The following KAZN variants were observed in gnomAD, a reference collection of about 807,000 sequenced individuals.
KAZN encodes the protein kazrin.
KAZN carries 40 observed loss-of-function variants against 87.4 expected under a neutral mutation model. The ratio of observed to expected loss-of-function variants is 0.46; its 90% CI spans 0.36 to 0.60. The LOEUF (loss-of-function observed/expected upper bound fraction) is 0.60, where lower values mean the gene tolerates loss of function less well. Ranked by LOEUF, KAZN falls within the 20% of genes least tolerant of loss-of-function variation. KAZN has a pLI of 0.00. For missense variants in KAZN, 898 were observed against 1,073.9 expected, an observed-to-expected ratio of 0.84 and a Z score of 2.29; for synonymous variants, 466 against 458.3, an observed-to-expected ratio of 1.02 and a Z score of -0.22.
intron 1 of KAZN, among the ~76,000 whole-genome samples, chr1:14,007,205 T>C (rs912563291): frequency 3.9e-5 from 6 of 152,316 alleles, no homozygotes; most frequent in South Asian, 2.1e-4. Context: ...TTTACTGAAA[T>C]TGTTAATTAG....
At position 14,376,038 on chromosome 1, in the gene KAZN, T is replaced by C. The variant is rs1293540145; in HGVS notation, c.249+195446T>C. 2.6e-5 allele frequency among the ~76,000 whole-genome samples: 4 copies of C among 152,076 alleles called. No individual in the cohort carries two copies. The East Asian group carries it at 7.7e-4, about 29-fold the overall frequency. On this transcript the variant is annotated intron_variant, in intron 2 of 16. Coordinates refer to the KAZN transcript ENST00000636203. ...CCTGGCCTCGCATGACTTTGGGTCA[T>C]TAGTTAACACACAGATAAGTCTGAT...
intron 1 of KAZN, among the ~76,000 whole-genome samples, chr1:13,909,738 T>C (rs1639580803): frequency 6.6e-6 from 1 of 152,242 alleles, no homozygotes; most frequent in African/African-American, 2.4e-5. Flanking sequence ...TAAGCATTTA[T>C]GAGGGCAGAG....
intron 1 of KAZN, among the ~76,000 whole-genome samples, chr1:13,978,791 T>G (rs61775615): frequency 0.15 from 22,272 of 150,066 alleles, 1,751 homozygotes; most frequent in South Asian, 0.2. Flanking sequence ...CAGAAGAGAG[T>G]ATGTAATTAA....
At chr1:14,719,559 C>T (rs544655049) in intron 1 of KAZN, among the ~76,000 whole-genome samples, 5 of 152,302 alleles carry the variant, frequency 3.3e-5, no homozygotes, top group African/African-American at 1.2e-4. Context: ...GAGAAAGAAG[C>T]CAGGCGTGGT....
At chr1:14,111,990 G>A (rs1393113361) in intron 1 of KAZN, among the ~76,000 whole-genome samples, 2 of 151,850 alleles carry the variant, frequency 1.3e-5, no homozygotes, top group Non-Finnish European at 2.9e-5. Context: ...CACCCACCTC[G>A]GCCTCCCAAA....
At position 14,013,524 on chromosome 1, in the gene KAZN, C is replaced by G. The variant is rs552993950; in HGVS notation, c.91+119768C>G. On this transcript the variant is annotated intron_variant, in intron 1 of 16. Coordinates refer to the KAZN transcript ENST00000636203. ...AAGGACTTGGCTGCTGTGTACCCAC[C>G]ACTGTCAGAGGATGGTCATGATAGC... Among the ~76,000 whole-genome samples, 53 of 152,176 alleles carry G rather than the reference C, an allele frequency of 3.5e-4. 1 individual carries two copies. The highest frequency in any genetic ancestry group is 3.1e-3 in the Admixed American group (47 of 15,284).
At chr1:14,251,919 G>T (rs1455422493) in intron 2 of KAZN, among the ~76,000 whole-genome samples, 4 of 151,998 alleles carry the variant, frequency 2.6e-5, no homozygotes. Context: ...AAAGTGCTGG[G>T]ATTACAGGTG....
intron 2 of KAZN, among the ~76,000 whole-genome samples, chr1:14,583,000 A>C (rs1342983951): frequency 1.3e-5 from 2 of 152,232 alleles, no homozygotes; most frequent in African/African-American, 2.4e-5. Flanking sequence ...AGGAGAAAGC[A>C]GAGAGGTGAA....
chr1:14,631,048 A>G lies in KAZN; in HGVS notation c.226+31825A>G, dbSNP rs534221537. On this transcript the variant is annotated intron_variant, in intron 1 of 14. Coordinates refer to ENST00000376030, the MANE Select transcript of KAZN (RefSeq NM_201628.3). ...GCCTCCAGTTTTGCTCTGGGGATCCATTTTTCCCTGACTCTTAGGCTGAGA... is the reference window on the plus strand; with the variant it reads ...GCCTCCAGTTTTGCTCTGGGGATCCGTTTTTCCCTGACTCTTAGGCTGAGA... Among the ~76,000 whole-genome samples, 6 of 152,168 alleles carry G rather than the reference A, an allele frequency of 3.9e-5. No homozygotes were observed. The East Asian group carries it at 1.2e-3, about 29-fold the overall frequency.
At position 14,721,153 on chromosome 1, in the gene KAZN, A is replaced by G. The variant is rs183502570; in HGVS notation, c.226+121930A>G. Among the ~76,000 whole-genome samples, 28 of 152,240 alleles carry G rather than the reference A, an allele frequency of 1.8e-4. 2 individuals carry two copies. Among genetic ancestry groups the G allele is most frequent in the Non-Finnish European group, 1.5e-5 (1 of 68,024 alleles). ...GTGGCTTGGCAGTGTCCCCACCTAAATCTCGTCTTGAATTGTGGTTCCCAT... is the reference window on the plus strand; with the variant it reads ...GTGGCTTGGCAGTGTCCCCACCTAAGTCTCGTCTTGAATTGTGGTTCCCAT... On this transcript the variant is annotated intron_variant, in intron 1 of 14. Transcript: ENST00000376030.
intron 1 of KAZN, among the ~76,000 whole-genome samples, chr1:14,004,761 C>T (rs1639962980): frequency 6.0e-5 from 1 of 16,622 alleles, no homozygotes; most frequent in Non-Finnish European, 1.6e-4. Context: ...CTTACTTAAT[C>T]TCCCTGGCAG....
chr1:14,376,938 G>A (rs552512364), intron 2 of KAZN, among the ~76,000 whole-genome samples: 2 of 152,328 alleles, frequency 1.3e-5, no homozygotes, highest in African/African-American at 2.4e-5. Context: ...CTTCTATAAT[G>A]TATTAGTTGC....
At chr1:14,245,862 A>G (rs1342173262) in intron 2 of KAZN, among the ~76,000 whole-genome samples, 1 of 152,224 alleles carries the variant, frequency 6.6e-6, no homozygotes, top group Admixed American at 6.5e-5. Flanking sequence ...TCATTTTATT[A>G]TAAAGATACA....
rs201481507 is a variant in KAZN at position 15,050,159 on chromosome 1, G to GATAGATAGAATAGAATAGAATA, written c.727-5932_727-5931insATAGATAGAATAGAATAGAATA. On this transcript the variant is annotated intron_variant, in intron 4 of 14. Coordinates refer to ENST00000376030, the MANE Select transcript of KAZN (RefSeq NM_201628.3). ...TCTCAATAGAATAATAGAATAGAAT[G>GATAGATAGAATAGAATAGAATA]GAATAGAATAGAATAGAATAGAATA... Among the ~76,000 whole-genome samples the GATAGATAGAATAGAATAGAATA allele has an allele frequency of 6.9e-3, 907 of 131,326 alleles. 12 individuals carry two copies. The highest frequency in any genetic ancestry group is 0.012 in the African/African-American group (412 of 34,918). 86.2% of individuals were successfully genotyped at this position (131,326 alleles called of 152,430 possible).
At chr1:14,607,027 C>G (rs985529944) in intron 1 of KAZN, among the ~76,000 whole-genome samples, 1 of 152,030 alleles carries the variant, frequency 6.6e-6, no homozygotes, top group Non-Finnish European at 1.5e-5. Context: ...GTATCCTCAC[C>G]ACCTAGAGCA....
intron 1 of KAZN, among the ~76,000 whole-genome samples, chr1:13,903,523 G>A (rs1046485883): frequency 6.6e-6 from 1 of 152,186 alleles, no homozygotes; most frequent in African/African-American, 2.4e-5. Flanking sequence ...TCCCATCGAA[G>A]GACAAAGACA....
intron 13 of KAZN, among the ~76,000 whole-genome samples, chr1:15,109,699 G>C (rs1641423873): frequency 1.3e-5 from 2 of 151,978 alleles, no homozygotes; most frequent in Non-Finnish European, 2.9e-5. Context: ...GTGTATGTTT[G>C]TGTATGAGCG....
intron 1 of KAZN, among the ~76,000 whole-genome samples, chr1:13,960,170 TCTA>T (rs1446473698): frequency 1.4e-4 from 21 of 152,092 alleles, no homozygotes; most frequent in African/African-American, 5.1e-4. Flanking sequence ...ATAATTCACT[TCTA>T]CAATTCTTGA....
intron 2 of KAZN, among the ~76,000 whole-genome samples, chr1:14,365,656 C>CCT (rs1265322741): frequency 6.6e-6 from 1 of 152,104 alleles, no homozygotes; most frequent in Non-Finnish European, 1.5e-5. Flanking sequence ...GCGTCCCCAG[C>CCT]CTCTACTCAC....
Sources: gnomAD v4.1 joint callset for allele counts (sites outside exome capture counted in the v4.1 genomes callset) on GRCh38, gnomAD v4.1.1 for gene constraint, MANE v1.5 for transcripts, NCBI Gene and HGNC (gene_info 2026-07-23, HGNC 2026-07-21) for gene names.